Variants in MAP3K7 observed in about 807,000 individuals in gnomAD.
MAP3K7 encodes mitogen-activated protein kinase kinase kinase 7.
Under a neutral mutation model 84.8 loss-of-function variants are expected in MAP3K7, and 21 were observed. That is an observed-to-expected ratio of 0.25 (90% confidence interval 0.18 to 0.36). MAP3K7 has a LOEUF of 0.36. Ranked by LOEUF, MAP3K7 falls within the 10% of genes least tolerant of loss-of-function variation. The pLI, the probability that MAP3K7 is intolerant of heterozygous loss-of-function variation, is 1.00. For missense variants in MAP3K7, 503 were observed against 747.7 expected (o/e 0.67, Z 3.82); for synonymous variants, 241 against 247.7 (o/e 0.97, Z 0.25).
intron 9 of MAP3K7, among the ~76,000 whole-genome samples, chr6:90,549,240 A>G (rs898070145): frequency 1.4e-4 from 22 of 152,138 alleles, no homozygotes; most frequent in African/African-American, 5.1e-4. Context: ...GATTACTCCA[A>G]TTTTCTCAGA....
intron 1 of MAP3K7, among the ~76,000 whole-genome samples, chr6:90,577,203 G>A (rs960170405): frequency 1.1e-4 from 16 of 152,266 alleles, no homozygotes; most frequent in African/African-American, 3.6e-4. Flanking sequence ...TCTGCATCCA[G>A]GCAGGACAGG....
intron 1 of MAP3K7, among the ~76,000 whole-genome samples, chr6:90,583,646 C>A (rs1777351740): frequency 6.6e-6 from 1 of 152,186 alleles, no homozygotes; most frequent in African/African-American, 2.4e-5. Flanking sequence ...TGATCTTGTT[C>A]AGTCAGTTTA....
chr6:90,580,911 C>G (rs1190219836), intron 1 of MAP3K7, among the ~76,000 whole-genome samples: 1 of 152,174 alleles, frequency 6.6e-6, no homozygotes. Flanking sequence ...ATAAGCATTT[C>G]TCCCCCTATG....
intron 1 of MAP3K7, among the ~76,000 whole-genome samples, chr6:90,576,154 T>C (rs1438222290): frequency 6.6e-6 from 1 of 152,124 alleles, no homozygotes; most frequent in Non-Finnish European, 1.5e-5. Context: ...GACATTTGGA[T>C]GACACAAGGC....
chr6:90,556,283 G>A (rs1776336488), intron 6 of MAP3K7, among the ~76,000 whole-genome samples: 1 of 152,194 alleles, frequency 6.6e-6, no homozygotes, highest in Non-Finnish European at 1.5e-5. Flanking sequence ...GGTGAACAAT[G>A]AGGATCAACT....
At chr6:90,522,431 A>C (rs1775182107) in intron 14 of MAP3K7, among the ~76,000 whole-genome samples, 1 of 152,208 alleles carries the variant, frequency 6.6e-6, no homozygotes, top group African/African-American at 2.4e-5. Flanking sequence ...AATGTCAGAG[A>C]ACGTACTCCC....
intron 12 of MAP3K7, chr6:90,542,530 C>A: frequency 1.0e-6 from 1 of 975,620 alleles, no homozygotes; most frequent in African/African-American, 1.8e-5. Flanking sequence ...AATGTGAACA[C>A]TAAGAGAAAG....
chr6:90,541,088 C>A (rs1458689544), intron 12 of MAP3K7, among the ~76,000 whole-genome samples: 1 of 151,568 alleles, frequency 6.6e-6, no homozygotes, highest in Non-Finnish European at 1.5e-5. Flanking sequence ...TTCTTACTGC[C>A]CTTATTAAAG....
At chr6:90,575,891 A>G (rs575364515) in intron 1 of MAP3K7, among the ~76,000 whole-genome samples, 1 of 152,262 alleles carries the variant, frequency 6.6e-6, no homozygotes, top group African/African-American at 2.4e-5. Context: ...ACTGTTTGGG[A>G]CATCAGAAAT....
chr6:90,530,057 T>C (rs557116971), intron 13 of MAP3K7, among the ~76,000 whole-genome samples: 1 of 152,326 alleles, frequency 6.6e-6, no homozygotes, highest in Non-Finnish European at 1.5e-5. Context: ...AAAGCAAGTA[T>C]AGACATTATG....
At chr6:90,582,914 C>T (rs916545486) in intron 1 of MAP3K7, among the ~76,000 whole-genome samples, 2 of 146,760 alleles carry the variant, frequency 1.4e-5, no homozygotes, top group Non-Finnish European at 3.0e-5. Flanking sequence ...ACAGAGTCTC[C>T]CTCTGTTGTC....
chr6:90,547,588 C>T (rs928223772), intron 10 of MAP3K7, among the ~76,000 whole-genome samples: 2 of 152,138 alleles, frequency 1.3e-5, no homozygotes, highest in Non-Finnish European at 2.9e-5. Context: ...AAGGCAGTCA[C>T]TAGAACTGGG....
At chr6:90,548,273 G>T in intron 9 of MAP3K7, 96 bp from the exon 10 acceptor site, 2 of 1,007,274 alleles carry the variant, frequency 2.0e-6, no homozygotes, top group African/African-American at 1.6e-5. Context: ...AAACTAGCCA[G>T]GCAGGAACAG....
At chr6:90,546,367 A>C (rs1776000698) in intron 11 of MAP3K7, among the ~76,000 whole-genome samples, 1 of 152,212 alleles carries the variant, frequency 6.6e-6, no homozygotes, top group African/African-American at 2.4e-5. Flanking sequence ...ACACATGAAT[A>C]TATACATTTA....
intron 12 of MAP3K7, among the ~76,000 whole-genome samples, chr6:90,538,975 A>T (rs1010328334): frequency 1.3e-5 from 2 of 151,936 alleles, no homozygotes; most frequent in African/African-American, 4.8e-5. Flanking sequence ...TAAATGTTAG[A>T]AATTTTGAGA....
chr6:90,578,444 T>A (rs1777157487), intron 1 of MAP3K7, among the ~76,000 whole-genome samples: 1 of 152,022 alleles, frequency 6.6e-6, no homozygotes, highest in Non-Finnish European at 1.5e-5. Flanking sequence ...CCAGCTAATT[T>A]TTGTATTTTT....
intron 12 of MAP3K7, chr6:90,542,617 G>A: frequency 3.0e-6 from 1 of 336,106 alleles, no homozygotes; most frequent in Non-Finnish European, 4.2e-6. Context: ...CAGAAGATCT[G>A]GGTTGGGGTC....
intron 7 of MAP3K7, among the ~76,000 whole-genome samples, chr6:90,552,998 A>C (rs997875370): frequency 6.6e-6 from 1 of 152,212 alleles, no homozygotes; most frequent in Non-Finnish European, 1.5e-5. Flanking sequence ...GTGGGTGAGA[A>C]TATAAACAGG....
Position 90,586,922 on chromosome 6 carries a change from A to G in MAP3K7, c.-39T>C. On this transcript the variant is annotated 5_prime_UTR_variant, in exon 1 of 17. Coordinates refer to ENST00000369329, the MANE Select transcript of MAP3K7 (RefSeq NM_145331.3). ...GCCCGGTGGGGCCGGGAACGGTGCCACCCGGACAATCCGGGTGAGACCCGC... is the reference window on the plus strand; with the variant it reads ...GCCCGGTGGGGCCGGGAACGGTGCCGCCCGGACAATCCGGGTGAGACCCGC... The G allele has an allele frequency of 1.3e-6, 2 of 1,571,762 alleles. No individual in the cohort carries two copies. Among genetic ancestry groups the G allele is most frequent in the Non-Finnish European group, 8.6e-7 (1 of 1,165,186 alleles).
Sources: gnomAD v4.1 joint callset for allele counts (sites outside exome capture counted in the v4.1 genomes callset) on GRCh38, gnomAD v4.1.1 for gene constraint, MANE v1.5 for transcripts, NCBI Gene and HGNC (gene_info 2026-07-23, HGNC 2026-07-21) for gene names.